PBK: variants seen among roughly 807,000 people sequenced by gnomAD.
PBK encodes lymphokine-activated killer T-cell-originated protein kinase.
In PBK, 22 loss-of-function variants were observed where a neutral mutation model predicts 33.5. The observed-to-expected ratio is 0.66, with a 90% CI of 0.47 to 0.94. PBK has a LOEUF of 0.94. Ranked by LOEUF, PBK falls within the 40% of genes least tolerant of loss-of-function variation. PBK has a pLI of 0.00. For missense variants in PBK, 376 were observed against 383.4 expected, an observed-to-expected ratio of 0.98 and a Z score of 0.16; for synonymous variants, 129 against 123.8, an observed-to-expected ratio of 1.04 and a Z score of -0.28.
At chr8:27,826,676 G>T (rs1485139214) in intron 3 of PBK, among the ~76,000 whole-genome samples, 5 of 140,440 alleles carry the variant, frequency 3.6e-5, no homozygotes, top group South Asian at 2.4e-4. Flanking sequence ...GGCGCCTGTA[G>T]TCCCAGCTAC....
chr8:27,831,569 C>T (rs543263579), intron 2 of PBK, among the ~76,000 whole-genome samples: 4 of 111,016 alleles, frequency 3.6e-5, no homozygotes, highest in South Asian at 3.1e-4. Context: ...TGTAGAACAC[C>T]GTACCCAGTA....
At chr8:27,813,018 C>A (rs1042237204) in intron 6 of PBK, among the ~76,000 whole-genome samples, 16 of 152,200 alleles carry the variant, frequency 1.1e-4, no homozygotes, top group African/African-American at 3.9e-4. Context: ...GACACATGTA[C>A]ACGTTTATGT....
At chr8:27,821,451 G>A (rs540480068) in intron 5 of PBK, among the ~76,000 whole-genome samples, 1 of 151,722 alleles carries the variant, frequency 6.6e-6, no homozygotes, top group East Asian at 2.0e-4. Context: ...TAGTAGAGAT[G>A]GGGTTTCACT....
chr8:27,810,121 A>G lies in PBK; in HGVS notation c.*184T>C, dbSNP rs1019686964. 8.8e-6 allele frequency: 5 copies of G among 565,210 alleles called. No individual in the cohort carries two copies. Among genetic ancestry groups the G allele is most frequent in the Non-Finnish European group, 9.2e-6 (3 of 324,390 alleles). The allele number at this position is 565,210 out of a possible 1,614,324, so 35.0% of individuals were successfully genotyped here. On this transcript the variant is annotated 3_prime_UTR_variant, in exon 8 of 8. Coordinates refer to ENST00000301905, the MANE Select transcript of PBK (RefSeq NM_018492.4). ...TAAAACTTTACAGAAAACCCAGTAC[A>G]ATTCCAAGTGCTTATAGCCAATATA...
chr8:27,816,370 TTTATTTATTTTAA>T (rs1291997139), intron 6 of PBK, among the ~76,000 whole-genome samples: 21 of 109,340 alleles, frequency 1.9e-4, no homozygotes, highest in African/African-American at 5.8e-4. Flanking sequence ...TATTTATTTA[TTTATTTATTTTAA>T]TTTATTTTTT....
chr8:27,822,486 A>C lies in PBK; in HGVS notation c.298T>G (p.Tyr100Asp), dbSNP rs993409349. ...KSLHHPNIVG[Y>D]RAFTEANDGS... is the part of the protein sequence containing the mutation. The stretch of plus-strand genomic sequence containing the variant: ...TCATTGGCTTCAGTAAAAGCACGAT[A>C]ACCTTAAAGAAAACATGACATTTCT... Residue 100 changes from tyrosine to aspartate, a missense_variant and splice_region_variant, in exon 5 of 8, where the codon TAT (tyrosine) becomes GAT (aspartate). Physicochemically the swap from Tyr to Asp is radical, Grantham distance 160 (BLOSUM62 -3). Coordinates refer to ENST00000301905, the MANE Select transcript of PBK (RefSeq NM_018492.4). The C allele has an allele frequency of 3.1e-6, 5 of 1,587,410 alleles. No homozygotes were observed. Among genetic ancestry groups the C allele is most frequent in the Non-Finnish European group, 4.3e-6 (5 of 1,167,596 alleles).
chr8:27,815,237 A>G (rs1013572956), intron 6 of PBK, among the ~76,000 whole-genome samples: 2 of 152,220 alleles, frequency 1.3e-5, no homozygotes, highest in African/African-American at 4.8e-5. Context: ...AAGCCAGGAA[A>G]TTGAAGATTC....
In PBK at chr8:27,810,268, G is replaced by A; in HGVS notation, c.*37C>T. 7.2e-7 allele frequency: 1 copy of A among 1,389,734 alleles called. No homozygotes were observed. The highest frequency in any genetic ancestry group is 1.0e-6 in the Non-Finnish European group (1 of 983,388). The allele number at this position is 1,389,734 out of a possible 1,614,324, so 86.1% of individuals were successfully genotyped here. A position where few individuals can be genotyped will look rare whatever the true frequency, so the allele number is the denominator to read the frequency against. On this transcript the variant is annotated 3_prime_UTR_variant, in exon 8 of 8. Transcript: ENST00000301905. ...CTATGTAAATATTTTGGAATAAACA[G>A]TTATTTACGCAAGCCACACTTCAGC...
chr8:27,828,421 T>C (rs1806067643), intron 2 of PBK, among the ~76,000 whole-genome samples: 2 of 152,158 alleles, frequency 1.3e-5, no homozygotes. Context: ...TGGCCTGTTT[T>C]TGTATGGCCT....
intron 3 of PBK, among the ~76,000 whole-genome samples, chr8:27,823,631 T>C (rs1805972070): frequency 6.6e-6 from 1 of 152,072 alleles, no homozygotes; most frequent in African/African-American, 2.4e-5. Flanking sequence ...ATTTTACCCA[T>C]ATATCATCAT....
At chr8:27,810,886 G>A (rs1394261357) in intron 7 of PBK, 72 bp downstream of exon 7, 1 of 1,012,962 alleles carries the variant, frequency 9.9e-7, no homozygotes. Context: ...ACATATCTTA[G>A]AAAGATAAAA....
chr8:27,816,359 T>A (rs4732764), intron 6 of PBK, among the ~76,000 whole-genome samples: 6,207 of 125,444 alleles, frequency 0.049, 280 homozygotes, highest in African/African-American at 0.091. Context: ...ATATATATAT[T>A]TATTTATTTA....
At chr8:27,818,350 A>C (rs898345114) in intron 6 of PBK, among the ~76,000 whole-genome samples, 4 of 152,206 alleles carry the variant, frequency 2.6e-5, no homozygotes, top group African/African-American at 9.6e-5. Flanking sequence ...TTACTCCTTC[A>C]ATAATATATT....
rs1276730841 is a variant in PBK, at chr8:27,825,239, A to T, written c.153-2034T>A. ...AGGATGACTTGAGACCAGGAGTTTGAGACCAGCCTGGGCAATATAGTGAGA... is the reference window on the plus strand; with the variant it reads ...AGGATGACTTGAGACCAGGAGTTTGTGACCAGCCTGGGCAATATAGTGAGA... On this transcript the variant is annotated intron_variant, in intron 3 of 7. Transcript: ENST00000301905. Among the ~76,000 whole-genome samples the T allele has an allele frequency of 2.0e-5, 3 of 152,368 alleles. No individual in the cohort carries two copies. The East Asian group carries it at 5.8e-4, about 29-fold the overall frequency.
At chr8:27,835,877 A>G (rs1806218071) in intron 1 of PBK, among the ~76,000 whole-genome samples, 1 of 152,032 alleles carries the variant, frequency 6.6e-6, no homozygotes, top group African/African-American at 2.4e-5. Flanking sequence ...TACCTATGTG[A>G]AGCTACTCTT....
At chr8:27,813,411 T>C (rs1391395794) in intron 6 of PBK, among the ~76,000 whole-genome samples, 1 of 152,168 alleles carries the variant, frequency 6.6e-6, no homozygotes, top group Non-Finnish European at 1.5e-5. Context: ...TGTATACCTA[T>C]GTAACAAACC....
Position 27,810,369 on chromosome 8 carries a change from T to A in PBK, c.905A>T (p.Asn302Ile), listed in dbSNP as rs916926835. ...AGAAGGACGATCTTTAGGGTCTTCA[T>A]TAGTGCATACAGAGAAGAGTTCAAT... is the stretch of plus-strand genomic sequence containing the variant. ...KVIELFSVCT[N>I]EDPKDRPSAA... Residue 302 changes from asparagine to isoleucine, a missense_variant, in exon 8 of 8, where the codon AAT becomes ATT. Asn to Ile is a moderately radical substitution (Grantham distance 149). Coordinates refer to ENST00000301905, the MANE Select transcript of PBK (RefSeq NM_018492.4). 1 of 1,611,502 alleles carries A rather than the reference T, an allele frequency of 6.2e-7. No homozygotes were observed. The highest frequency in any genetic ancestry group is 8.5e-7 in the Non-Finnish European group (1 of 1,177,762).
At chr8:27,829,950 C>T (rs1303142072) in intron 2 of PBK, among the ~76,000 whole-genome samples, 3 of 151,990 alleles carry the variant, frequency 2.0e-5, no homozygotes, top group African/African-American at 7.3e-5. Context: ...CGCCTGTAAT[C>T]CCAGCACTTT....
At chr8:27,828,744 CAAAAAAAAAA>C (rs34388320) in intron 2 of PBK, among the ~76,000 whole-genome samples, 2 of 82,606 alleles carry the variant, frequency 2.4e-5, no homozygotes, top group African/African-American at 9.5e-5. Flanking sequence ...GACACAGTCT[CAAAAAAAAAA>C]AAAAAAAAAA....
Sources: allele counts gnomAD v4.1 joint callset (sites outside exome capture counted in the v4.1 genomes callset), GRCh38; gene constraint gnomAD v4.1.1; transcripts MANE v1.5; gene names NCBI Gene and HGNC (gene_info 2026-07-23, HGNC 2026-07-21).